The following FGD4 variants were observed in gnomAD, a reference collection of about 807,000 sequenced individuals.
FGD4 encodes FYVE, RhoGEF and PH domain-containing protein 4.
In FGD4, 42 loss-of-function variants were observed where a neutral mutation model predicts 102.0. That is an observed-to-expected ratio of 0.41 (90% CI 0.32 to 0.53). The LOEUF is 0.53. Among genes scored for constraint, FGD4 ranks in the 20% least tolerant of loss-of-function variants. The pLI is 0.21. For missense variants in FGD4, 902 were observed against 1,078.2 expected, an observed-to-expected ratio of 0.84 and a Z score of 2.29; for synonymous variants, 380 against 375.7, an observed-to-expected ratio of 1.01 and a Z score of -0.13.
intron 1 of FGD4, among the ~76,000 whole-genome samples, chr12:32,538,415 T>C (rs1942496314): frequency 6.6e-6 from 1 of 152,188 alleles, no homozygotes; most frequent in South Asian, 2.1e-4. Context: ...TAAATATTTG[T>C]AGTGTTCTCC....
intron 1 of FGD4, among the ~76,000 whole-genome samples, chr12:32,475,784 C>G (rs1412985134): frequency 6.6e-6 from 1 of 152,222 alleles, no homozygotes; most frequent in Non-Finnish European, 1.5e-5. Context: ...CCTAGAGGCT[C>G]TACTTTACTG....
intron 1 of FGD4, among the ~76,000 whole-genome samples, chr12:32,467,066 A>G (rs1370247403): frequency 2.0e-5 from 3 of 151,994 alleles, no homozygotes; most frequent in African/African-American, 7.3e-5. Flanking sequence ...AAATTCTAAA[A>G]CCTATTTGAA....
chr12:32,543,135 T>C (rs775639213), intron 1 of FGD4, among the ~76,000 whole-genome samples: 3 of 152,122 alleles, frequency 2.0e-5, no homozygotes, highest in African/African-American at 4.8e-5. Flanking sequence ...CTAGATTGGG[T>C]CACAGAACTC....
chr12:32,551,377 T>C lies in FGD4; in HGVS notation c.167-12760T>C, dbSNP rs567746266. ...TAGATATACCATGTGCTAGCTACTG[T>C]TGTAGTATGCTCACTAGAATTTAAT... On this transcript the variant is annotated intron_variant, in intron 1 of 16. Transcript: ENST00000534526. 2.6e-5 allele frequency among the ~76,000 whole-genome samples: 4 copies of C among 152,358 alleles called. No homozygotes were observed. In the South Asian group the frequency reaches 6.2e-4, roughly 24 times the overall value.
At chr12:32,637,459 G>A (rs190214507) in intron 15 of FGD4, among the ~76,000 whole-genome samples, 61 of 152,004 alleles carry the variant, frequency 4.0e-4, no homozygotes, top group African/African-American at 1.3e-3. Context: ...AGCCAAGCGT[G>A]GTGGTGAGTG....
At chr12:32,601,115 A>G (rs966144039) in intron 5 of FGD4, among the ~76,000 whole-genome samples, 163 bp from the exon 6 acceptor site, 3 of 152,218 alleles carry the variant, frequency 2.0e-5, no homozygotes, top group African/African-American at 7.2e-5. Flanking sequence ...ATTCTTCTAA[A>G]TCAAAGCATA....
chr12:32,471,405 T>C (rs1054605620), intron 1 of FGD4, among the ~76,000 whole-genome samples: 2 of 152,212 alleles, frequency 1.3e-5, no homozygotes, highest in Non-Finnish European at 2.9e-5. Flanking sequence ...CTGACTAATA[T>C]GTACTGTAGA....
chr12:32,561,132 T>C (rs553097306), intron 1 of FGD4, among the ~76,000 whole-genome samples: 15 of 132,174 alleles, frequency 1.1e-4, no homozygotes, highest in East Asian at 2.5e-4. Flanking sequence ...TTGCCCAGGC[T>C]GGAGTGCAAT....
intron 12 of FGD4, 120 bp downstream of exon 12, chr12:32,624,572 GCAA>G: frequency 3.6e-6 from 3 of 829,540 alleles, no homozygotes; most frequent in Non-Finnish European, 5.9e-6. Context: ...CTGGGCTCAA[GCAA>G]GCCTTGCATC....
chr12:32,422,288 C>CTTTTT lies in FGD4; in HGVS notation c.166+22353_166+22357dup, dbSNP rs770560590. Among the ~76,000 whole-genome samples, 272 of 54,168 alleles carry CTTTTT rather than the reference C, an allele frequency of 5.0e-3. 68 individuals carry two copies. Among genetic ancestry groups the CTTTTT allele is most frequent in the African/African-American group, 0.018 (237 of 12,918 alleles). The allele number at this position is 54,168 out of a possible 152,430, so 35.5% of individuals were successfully genotyped here. On this transcript the variant is annotated intron_variant, in intron 1 of 16. Transcript: ENST00000534526. ...TTGAAGCATCTCAAATTGGGAGCTG[C>CTTTTT]TTTTTTTTTTTTTTTTTTTTTTTTT...
intron 1 of FGD4, among the ~76,000 whole-genome samples, chr12:32,437,695 GTCTTT>G (rs1942281254): frequency 6.6e-6 from 1 of 151,640 alleles, no homozygotes; most frequent in Non-Finnish European, 1.5e-5. Flanking sequence ...TTTGACCAGT[GTCTTT>G]TCATTTTTAG....
chr12:32,609,133 G>A (rs56231715), intron 8 of FGD4, among the ~76,000 whole-genome samples: 4,347 of 152,176 alleles, frequency 0.029, 232 homozygotes, highest in African/African-American at 0.1. Flanking sequence ...CAAAGTGCTG[G>A]GATTACAGGT....
rs180913653 is a variant in FGD4, at chr12:32,444,651, C to T, written c.166+44692C>T. ...AACTCCTGACCTCAGGTGACCCACC[C>T]GCCCCGGCTTCCTAAAGTGCTGAGA... On this transcript the variant is annotated intron_variant, in intron 1 of 16. Transcript: ENST00000534526. 1.3e-3 allele frequency among the ~76,000 whole-genome samples: 197 copies of T among 152,252 alleles called. 4 individuals carry two copies. Among genetic ancestry groups the T allele is most frequent in the Admixed American group, 0.011 (163 of 15,280 alleles).
At chr12:32,594,988 G>A (rs1039222453) in intron 4 of FGD4, among the ~76,000 whole-genome samples, 8 of 149,110 alleles carry the variant, frequency 5.4e-5, no homozygotes, top group African/African-American at 1.7e-4. Flanking sequence ...CCAAGATCAC[G>A]CCACTGCACT....
intron 2 of FGD4, among the ~76,000 whole-genome samples, chr12:32,565,718 G>C (rs1399914812): frequency 2.0e-5 from 3 of 152,150 alleles, no homozygotes; most frequent in Non-Finnish European, 4.4e-5. Flanking sequence ...TTTTTAAGTA[G>C]ACAACACTTA....
chr12:32,565,992 G>GT (rs564587796), intron 2 of FGD4, among the ~76,000 whole-genome samples: 15 of 152,048 alleles, frequency 9.9e-5, no homozygotes, highest in Non-Finnish European at 1.8e-4. Context: ...TCCCTATGTT[G>GT]TAGTCTGTTC....
At chr12:32,541,027 G>A (rs916730551) in intron 1 of FGD4, among the ~76,000 whole-genome samples, 14 of 152,156 alleles carry the variant, frequency 9.2e-5, no homozygotes, top group African/African-American at 3.4e-4. Flanking sequence ...TGTATTAGAT[G>A]TAGCCAAATA....
At chr12:32,548,115 A>G (rs1272008403) in intron 1 of FGD4, among the ~76,000 whole-genome samples, 1 of 152,146 alleles carries the variant, frequency 6.6e-6, no homozygotes, top group Non-Finnish European at 1.5e-5. Context: ...GCTATATGTT[A>G]CCTTGCATTT....
At chr12:32,443,591 T>A (rs1156262605) in intron 1 of FGD4, among the ~76,000 whole-genome samples, 1 of 145,370 alleles carries the variant, frequency 6.9e-6, no homozygotes, top group East Asian at 2.0e-4. Context: ...CAGGCTGGAG[T>A]GCAGTGGTGC....
Sources: allele counts gnomAD v4.1 joint callset (sites outside exome capture counted in the v4.1 genomes callset), GRCh38; gene constraint gnomAD v4.1.1; transcripts MANE v1.5; gene names NCBI Gene and HGNC (gene_info 2026-07-23, HGNC 2026-07-21).